SPPL3: variants seen among roughly 807,000 people sequenced by gnomAD.
The protein encoded by SPPL3 is signal peptide peptidase like 3, also known as signal peptide peptidase-like 3.
A neutral mutation model predicts 42.4 loss-of-function variants in SPPL3; 5 were observed. The observed-to-expected ratio is 0.12, with a 90% CI of 0.06 to 0.25. The LOEUF is 0.25. Ranked by LOEUF, SPPL3 falls within the 10% of genes least tolerant of loss-of-function variation. The pLI is 1.00. For missense variants in SPPL3, 235 were observed against 489.0 expected (o/e 0.48, Z 4.90); for synonymous variants, 195 against 181.8 (o/e 1.07, Z -0.58).
intron 1 of SPPL3, among the ~76,000 whole-genome samples, chr12:120,818,826 TA>T (rs1555250037): frequency 1.0e-4 from 2 of 19,274 alleles, no homozygotes; most frequent in Non-Finnish European, 2.2e-4. Context: ...GTTAAAATAT[TA>T]TTTATACACA....
chr12:120,809,331 T>G (rs1870605299), intron 2 of SPPL3, among the ~76,000 whole-genome samples: 1 of 150,676 alleles, frequency 6.6e-6, no homozygotes, highest in East Asian at 2.0e-4. Flanking sequence ...GGCAACAGAG[T>G]GAGACTCCGT....
intron 1 of SPPL3, among the ~76,000 whole-genome samples, chr12:120,853,035 C>CAG (rs1233552273): frequency 6.6e-6 from 1 of 151,606 alleles, no homozygotes; most frequent in South Asian, 2.1e-4. Flanking sequence ...GCTGGGATTA[C>CAG]AGGCACCCGC....
rs767614974 is a variant in SPPL3, at chr12:120,769,036, C to T, written c.526G>A (p.Ala176Thr). The T allele has an allele frequency of 2.7e-5, 43 of 1,606,130 alleles. 1 individual carries two copies. The South Asian group carries it at 2.9e-4, about 11-fold the overall frequency. Residue 176 changes from alanine to threonine, a missense_variant, in exon 7 of 11, where the codon GCC (alanine) becomes ACC (threonine). Physicochemically the swap from Ala to Thr is moderately conservative, Grantham distance 58. This residue lies in a region of SPPL3 where 18 missense variants were observed against 86.9 expected (regional missense o/e 0.21). Coordinates refer to ENST00000353487, the MANE Select transcript of SPPL3 (RefSeq NM_139015.5). ...GGCAGGCGGACAAAGGCGATCATGG[C>T]GACACAGAGGCCCATGGCCAGTGCT... Reference protein sequence around the residue: ...MDALAMGLCVAMIAFVRLPSL... With the variant: ...MDALAMGLCVTMIAFVRLPSL...
At chr12:120,901,590 TAAAAAA>T (rs754148484) in intron 1 of SPPL3, among the ~76,000 whole-genome samples, 13 of 103,426 alleles carry the variant, frequency 1.3e-4, no homozygotes, top group African/African-American at 2.3e-4. Context: ...GACTCCGTCC[TAAAAAA>T]AAAAAAAAAA....
In SPPL3 at chr12:120,901,833, T is replaced by A. The variant is rs918729332; in HGVS notation, c.23+2012A>T. The A allele has an allele frequency of 2.2e-5, 20 of 926,552 alleles. No homozygotes were observed. In the African/African-American group the frequency reaches 3.0e-4, roughly 14 times the overall value. 57.4% of individuals were successfully genotyped at this position (926,552 alleles called of 1,614,324 possible). ...ACTTCACAAAGTAATCCCTCCTTAA[T>A]AGAGCCAACTAATGTCAGAGAGAGG... is the stretch of plus-strand genomic sequence containing the variant. On this transcript the variant is annotated intron_variant, in intron 1 of 10. Transcript: ENST00000353487.
intron 1 of SPPL3, among the ~76,000 whole-genome samples, chr12:120,858,219 T>C (rs1171103735): frequency 6.6e-6 from 1 of 152,210 alleles, no homozygotes; most frequent in African/African-American, 2.4e-5. Context: ...GGCTCACGCC[T>C]GTAATTCCAG....
chr12:120,773,036 A>G (rs1291584842), intron 6 of SPPL3, among the ~76,000 whole-genome samples: 1 of 152,246 alleles, frequency 6.6e-6, no homozygotes, highest in Non-Finnish European at 1.5e-5. Flanking sequence ...TGTCATTTGA[A>G]ATGAACCTAA....
chr12:120,822,574 G>A (rs569790597), intron 1 of SPPL3, among the ~76,000 whole-genome samples: 1 of 152,264 alleles, frequency 6.6e-6, no homozygotes, highest in South Asian at 2.1e-4. Flanking sequence ...AAGCAAACAG[G>A]AGCCTAAGAG....
At chr12:120,863,601 G>A (rs115516330) in intron 1 of SPPL3, among the ~76,000 whole-genome samples, 421 of 152,246 alleles carry the variant, frequency 2.8e-3, no homozygotes, top group African/African-American at 9.8e-3. Context: ...AGCCTTTCAG[G>A]TAATCGTAGA....
At chr12:120,890,674 G>A (rs185474373) in intron 1 of SPPL3, among the ~76,000 whole-genome samples, 3 of 150,692 alleles carry the variant, frequency 2.0e-5, no homozygotes, top group Admixed American at 1.3e-4. Flanking sequence ...ATAAACACAT[G>A]AACATTATTC....
At chr12:120,807,188 T>A (rs1322270662) in intron 2 of SPPL3, among the ~76,000 whole-genome samples, 1 of 152,076 alleles carries the variant, frequency 6.6e-6, no homozygotes, top group Admixed American at 6.5e-5. Flanking sequence ...CATCCCAATA[T>A]CAGGGAAATA....
chr12:120,868,314 G>C (rs955715947), intron 1 of SPPL3, among the ~76,000 whole-genome samples: 1 of 152,048 alleles, frequency 6.6e-6, no homozygotes, highest in Non-Finnish European at 1.5e-5. Context: ...GTGGAGTACA[G>C]AGCAAATTCA....
chr12:120,779,642 T>C lies in SPPL3; in HGVS notation c.502+3013A>G, dbSNP rs558395180. On this transcript the variant is annotated intron_variant, in intron 6 of 10. Transcript: ENST00000353487. ...GCAGTTAGATAAAAATTTTTTGAGA[T>C]TACAAAAGTGAACTGTGGAAATGTA... 6.6e-4 allele frequency among the ~76,000 whole-genome samples: 100 copies of C among 151,982 alleles called. No individual in the cohort carries two copies. The Middle Eastern group carries it at 0.01, about 16-fold the overall frequency.
intron 1 of SPPL3, among the ~76,000 whole-genome samples, chr12:120,875,433 G>C (rs1005634025): frequency 6.6e-6 from 1 of 151,908 alleles, no homozygotes; most frequent in Admixed American, 6.6e-5. Flanking sequence ...GAACAGACCA[G>C]CCTGGCCAAC....
intron 1 of SPPL3, among the ~76,000 whole-genome samples, chr12:120,876,358 A>G (rs1257405961): frequency 6.6e-6 from 1 of 152,084 alleles, no homozygotes; most frequent in East Asian, 1.9e-4. Flanking sequence ...TCACGCCTGT[A>G]ATCTCAGCAC....
intron 1 of SPPL3, among the ~76,000 whole-genome samples, chr12:120,883,940 A>G (rs1158255542): frequency 6.6e-6 from 1 of 152,078 alleles, no homozygotes; most frequent in East Asian, 1.9e-4. Context: ...TGTCTCTATT[A>G]AAAATACAAA....
At chr12:120,793,213 A>G (rs1869979466) in intron 2 of SPPL3, among the ~76,000 whole-genome samples, 1 of 152,222 alleles carries the variant, frequency 6.6e-6, no homozygotes, top group Non-Finnish European at 1.5e-5. Context: ...ATACAAGTCA[A>G]AACCATGAGA....
At chr12:120,864,901 A>G (rs1479812853) in intron 1 of SPPL3, among the ~76,000 whole-genome samples, 1 of 152,226 alleles carries the variant, frequency 6.6e-6, no homozygotes, top group African/African-American at 2.4e-5. Flanking sequence ...GGGTTAAAAA[A>G]ATAACAAAAC....
chr12:120,776,041 G>C (rs1424718174), intron 6 of SPPL3, among the ~76,000 whole-genome samples: 1 of 152,184 alleles, frequency 6.6e-6, no homozygotes, highest in Non-Finnish European at 1.5e-5. Context: ...CCAGACTACT[G>C]TGACAGCAGA....
Sources: gnomAD v4.1 joint callset for allele counts (sites outside exome capture counted in the v4.1 genomes callset) on GRCh38, gnomAD v4.1.1 for gene constraint, gnomAD v4.1.1 regional missense constraint, MANE v1.5 for transcripts, NCBI Gene and HGNC (gene_info 2026-07-23, HGNC 2026-07-21) for gene names.